SPOCK1: variants seen among roughly 807,000 people sequenced by gnomAD.
The protein encoded by SPOCK1 is testican-1.
In SPOCK1, 23 loss-of-function variants were observed where a neutral mutation model predicts 55.3. That is an observed-to-expected ratio of 0.42 (90% CI 0.30 to 0.59). SPOCK1 has a LOEUF of 0.59. SPOCK1 is among the 20% of genes least tolerant of loss of function. The pLI is 0.22. For missense variants in SPOCK1, 499 were observed against 552.5 expected (o/e 0.90, Z 0.97); for synonymous variants, 226 against 221.0 (o/e 1.02, Z -0.20).
intron 3 of SPOCK1, among the ~76,000 whole-genome samples, chr5:137,258,394 CA>C (rs1216750866): frequency 6.6e-6 from 1 of 152,212 alleles, no homozygotes; most frequent in Non-Finnish European, 1.5e-5. Context: ...CTTAACAAAA[CA>C]AAACCCCCAT....
At chr5:137,444,905 G>T (rs2149833110) in intron 2 of SPOCK1, among the ~76,000 whole-genome samples, 1 of 152,296 alleles carries the variant, frequency 6.6e-6, no homozygotes, top group South Asian at 2.1e-4. Flanking sequence ...CACAAACCCA[G>T]CTACCTAAGT....
chr5:137,275,911 T>C (rs992648315), intron 2 of SPOCK1, among the ~76,000 whole-genome samples: 12 of 152,296 alleles, frequency 7.9e-5, no homozygotes, highest in Admixed American at 7.8e-4. Context: ...TCCTCTGCCT[T>C]GGGTCAGGCC....
chr5:137,406,945 G>A (rs1752111642), intron 2 of SPOCK1, among the ~76,000 whole-genome samples: 1 of 152,140 alleles, frequency 6.6e-6, no homozygotes, highest in African/African-American at 2.4e-5. Context: ...TTTATATTGA[G>A]GACACTGATG....
intron 3 of SPOCK1, among the ~76,000 whole-genome samples, chr5:137,247,877 C>T (rs1234755254): frequency 6.6e-6 from 1 of 152,182 alleles, no homozygotes; most frequent in Non-Finnish European, 1.5e-5. Flanking sequence ...GAACTCACTA[C>T]CTGGGTAAAA....
chr5:137,274,112 C>T, intron 2 of SPOCK1, among the ~76,000 whole-genome samples: 1 of 152,136 alleles, frequency 6.6e-6, no homozygotes, highest in East Asian at 1.9e-4. Flanking sequence ...AAAATATGCC[C>T]TGTGTTTGGG....
At chr5:137,009,224 G>A (rs2126973505) in intron 6 of SPOCK1, among the ~76,000 whole-genome samples, 1 of 152,224 alleles carries the variant, frequency 6.6e-6, no homozygotes, top group South Asian at 2.1e-4. Context: ...TTCACTTTGG[G>A]ACTAACACCT....
chr5:137,460,278 A>G (rs2149837152), intron 2 of SPOCK1, among the ~76,000 whole-genome samples: 1 of 152,250 alleles, frequency 6.6e-6, no homozygotes, highest in Non-Finnish European at 1.5e-5. Flanking sequence ...CAAGGTGAGG[A>G]GTCTACTGAC....
intron 5 of SPOCK1, among the ~76,000 whole-genome samples, chr5:137,069,613 G>C (rs1266336369): frequency 2.0e-4 from 31 of 152,316 alleles, no homozygotes. Flanking sequence ...ACGCCGGGAA[G>C]GCAGCAGGCA....
chr5:137,422,260 G>T (rs938187948), intron 2 of SPOCK1, among the ~76,000 whole-genome samples: 1 of 152,160 alleles, frequency 6.6e-6, no homozygotes, highest in African/African-American at 2.4e-5. Flanking sequence ...ACAATTATGT[G>T]TCTTGGAGTT....
intron 2 of SPOCK1, among the ~76,000 whole-genome samples, chr5:137,352,321 A>G (rs1478813881): frequency 1.3e-5 from 2 of 152,160 alleles, no homozygotes; most frequent in African/African-American, 2.4e-5. Context: ...TCTGTTAATC[A>G]CTCTTTAAAT....
chr5:137,272,631 C>G (rs1479831490), intron 2 of SPOCK1, among the ~76,000 whole-genome samples: 1 of 152,146 alleles, frequency 6.6e-6, no homozygotes, highest in Non-Finnish European at 1.5e-5. Context: ...CTTGAGGCTT[C>G]TCAGCCTTCC....
At chr5:137,111,756 A>T (rs1321029375) in intron 5 of SPOCK1, among the ~76,000 whole-genome samples, 1 of 152,156 alleles carries the variant, frequency 6.6e-6, no homozygotes, top group Non-Finnish European at 1.5e-5. Context: ...ATGCCCCTCT[A>T]GAAGAGGCTT....
intron 2 of SPOCK1, among the ~76,000 whole-genome samples, chr5:137,380,485 G>C (rs1277447108): frequency 6.6e-6 from 1 of 152,188 alleles, no homozygotes; most frequent in Non-Finnish European, 1.5e-5. Flanking sequence ...AATTACCTGA[G>C]ATTGGGTGAT....
intron 2 of SPOCK1, among the ~76,000 whole-genome samples, chr5:137,454,329 A>C (rs983369357): frequency 7.2e-5 from 11 of 152,170 alleles, no homozygotes; most frequent in Non-Finnish European, 1.5e-4. Context: ...AACTGCAAGG[A>C]TCTCCCCCAA....
chr5:137,267,920 A>G (rs1392373497), intron 2 of SPOCK1, among the ~76,000 whole-genome samples: 1 of 152,208 alleles, frequency 6.6e-6, no homozygotes, highest in Non-Finnish European at 1.5e-5. Context: ...TCCTCATAGC[A>G]TCTTTAAGGA....
At chr5:137,001,321 T>C (rs1580701582) in intron 6 of SPOCK1, among the ~76,000 whole-genome samples, 1 of 152,134 alleles carries the variant, frequency 6.6e-6, no homozygotes, top group Non-Finnish European at 1.5e-5. Context: ...AATAGAAAAG[T>C]ATAGGAATCA....
Position 137,421,938 on chromosome 5 carries a change from G to C in SPOCK1, c.186+76435C>G, listed in dbSNP as rs569207057. Among the ~76,000 whole-genome samples the C allele has an allele frequency of 3.3e-5, 5 of 152,340 alleles. No individual in the cohort carries two copies. In the East Asian group the frequency reaches 9.6e-4, roughly 29 times the overall value. ...CATGTTTTTGCAGTGGCTGGTACCA[G>C]TTGTTCCTTTCCATGTTTAGTGCTT... On this transcript the variant is annotated intron_variant, in intron 2 of 10. Transcript: ENST00000394945.
At chr5:137,010,592 G>A (rs1401450638) in intron 6 of SPOCK1, among the ~76,000 whole-genome samples, 1 of 152,094 alleles carries the variant, frequency 6.6e-6, no homozygotes, top group African/African-American at 2.4e-5. Flanking sequence ...TAGGGGGCTT[G>A]CTCACTCCAG....
intron 3 of SPOCK1, among the ~76,000 whole-genome samples, chr5:137,203,456 G>A (rs558050212): frequency 7.2e-5 from 11 of 152,080 alleles, no homozygotes; most frequent in African/African-American, 1.9e-4. Context: ...TGAAAAAGGC[G>A]ATGAATGGCT....
Sources: allele counts gnomAD v4.1 joint callset (sites outside exome capture counted in the v4.1 genomes callset), GRCh38; gene constraint gnomAD v4.1.1; transcripts MANE v1.5; gene names NCBI Gene and HGNC (gene_info 2026-07-23, HGNC 2026-07-21).